Variants in ST3GAL1 observed in about 807,000 individuals in gnomAD.
ST3GAL1 encodes the protein CMP-N-acetylneuraminate-beta-galactosamide-alpha-2,3-sialyltransferase 1.
ST3GAL1 carries 16 observed loss-of-function variants against 34.1 expected under a neutral mutation model. The ratio of observed to expected loss-of-function variants is 0.47; its 90% CI spans 0.32 to 0.71. The LOEUF (loss-of-function observed/expected upper bound fraction) is 0.71. Ranked by LOEUF, ST3GAL1 falls within the 30% of genes least tolerant of loss-of-function variation. The pLI, the probability that ST3GAL1 is intolerant of heterozygous loss-of-function variation, is 0.04. For missense variants in ST3GAL1, 353 were observed against 447.4 expected, an observed-to-expected ratio of 0.79 and a Z score of 1.90; for synonymous variants, 191 against 184.7, an observed-to-expected ratio of 1.03 and a Z score of -0.28.
chr8:133,463,343 C>T, intron 8 of ST3GAL1, 71 bp downstream of exon 8: 3 of 1,572,868 alleles, frequency 1.9e-6, no homozygotes, highest in Non-Finnish European at 2.6e-6. Context: ...CAACTCAATG[C>T]CGTACCTTAG....
rs759614313 is a variant in ST3GAL1, at chr8:133,566,389, G to A, written c.-582+5304C>T. On this transcript the variant is annotated intron_variant, in intron 1 of 9. Transcript: ENST00000522652. ...CCTTCAGTCAACTCCTCTGTCTCCC[G>A]TAGGCTCTGTCTTGAGGAATGCGAT... 7.9e-5 allele frequency among the ~76,000 whole-genome samples: 12 copies of A among 152,084 alleles called. 1 individual carries two copies. The highest frequency in any genetic ancestry group is 2.1e-4 in the South Asian group (1 of 4,822).
At chr8:133,491,379 C>A (rs570269865) in intron 3 of ST3GAL1, among the ~76,000 whole-genome samples, 1 of 152,070 alleles carries the variant, frequency 6.6e-6, no homozygotes, top group Non-Finnish European at 1.5e-5. Context: ...AGGATTTCCC[C>A]CCATTTGGGT....
chr8:133,500,747 T>C (rs6471129), intron 2 of ST3GAL1, among the ~76,000 whole-genome samples: 113,531 of 152,146 alleles, frequency 0.75, 42,811 homozygotes, highest in African/African-American at 0.84. Flanking sequence ...TAAAGCATGC[T>C]TGGCCTCTCA....
rs1223367024 is a variant in ST3GAL1 at position 133,466,479 on chromosome 8, C to A, written c.307-389G>T. Reference sequence around the variant, plus strand: ...TCTCTCTGAAAGGCCCTCCATCCCCCTACGTGTCACCACTTGAAAGAGAGA... The same window carrying A: ...TCTCTCTGAAAGGCCCTCCATCCCCATACGTGTCACCACTTGAAAGAGAGA... On this transcript the variant is annotated intron_variant, in intron 5 of 9. Transcript: ENST00000522652. The surrounding 1 kb of genome is among the most constrained non-coding windows in gnomAD (Gnocchi z 4.4). 6.6e-6 allele frequency among the ~76,000 whole-genome samples: 1 copy of A among 152,168 alleles called. No individual in the cohort carries two copies. Among genetic ancestry groups the A allele is most frequent in the Non-Finnish European group, 1.5e-5 (1 of 68,022 alleles).
intron 4 of ST3GAL1, 97 bp downstream of exon 4, chr8:133,476,181 C>T (rs1816169826): frequency 1.3e-6 from 1 of 793,446 alleles, no homozygotes; most frequent in East Asian, 2.8e-5. Flanking sequence ...CTCGACTTCA[C>T]TCCTGCTGGG....
At chr8:133,498,904 C>T (rs1414532368) in intron 3 of ST3GAL1, among the ~76,000 whole-genome samples, 5 of 152,238 alleles carry the variant, frequency 3.3e-5, no homozygotes, top group African/African-American at 4.8e-5. Context: ...GGGTTTGTCC[C>T]GGCCACGGCA....
At chr8:133,531,275 A>G (rs780251789) in intron 2 of ST3GAL1, among the ~76,000 whole-genome samples, 6 of 152,222 alleles carry the variant, frequency 3.9e-5, no homozygotes, top group Non-Finnish European at 8.8e-5. Context: ...ATACTCACAC[A>G]TATAGTATAT....
chr8:133,496,709 C>G (rs975909099), intron 3 of ST3GAL1, among the ~76,000 whole-genome samples: 2 of 152,202 alleles, frequency 1.3e-5, no homozygotes, highest in East Asian at 3.9e-4. Flanking sequence ...GCGCCTGGAG[C>G]CTCGGAGCAA....
chr8:133,534,847 C>T (rs763292793), intron 2 of ST3GAL1, among the ~76,000 whole-genome samples: 4 of 152,192 alleles, frequency 2.6e-5, no homozygotes, highest in South Asian at 2.1e-4. Context: ...GCACCAGTCT[C>T]GGTGCTGGTG....
At chr8:133,506,506 T>A (rs1475277955) in intron 2 of ST3GAL1, among the ~76,000 whole-genome samples, 3 of 152,194 alleles carry the variant, frequency 2.0e-5, no homozygotes, top group African/African-American at 7.2e-5. Context: ...AAACTGCGGC[T>A]GGGCACGGTG....
chr8:133,462,615 G>A (rs553242079), intron 8 of ST3GAL1, among the ~76,000 whole-genome samples: 53 of 152,294 alleles, frequency 3.5e-4, no homozygotes, highest in Middle Eastern at 3.4e-3. Flanking sequence ...TCTCAGGCAG[G>A]AGAGGGCGTG....
In ST3GAL1 at chr8:133,570,414, T is replaced by G. The variant is rs1000760123; in HGVS notation, c.-582+1279A>C. 7.2e-5 allele frequency: 11 copies of G among 152,294 alleles called. No individual in the cohort carries two copies. In the Middle Eastern group the frequency reaches 0.01, roughly 140 times the overall value. 9.4% of individuals were successfully genotyped at this position (152,294 alleles called of 1,614,324 possible). A position where few individuals can be genotyped will look rare whatever the true frequency, so the allele number is the denominator to read the frequency against. On this transcript the variant is annotated intron_variant, in intron 1 of 9. Coordinates refer to ENST00000522652, the MANE Select transcript of ST3GAL1 (RefSeq NM_173344.3). This position sits in a 1 kb window ranked among gnomAD's most constrained non-coding sequence, Gnocchi z 5.6. ...GCCCAGCCCGCGAGACGCAGTGACC[T>G]GCCCAACCCCCACCCCCTTGCGCGC...
chr8:133,550,235 C>G (rs1321712818), intron 1 of ST3GAL1, among the ~76,000 whole-genome samples: 3 of 152,210 alleles, frequency 2.0e-5, no homozygotes, highest in Non-Finnish European at 4.4e-5. Flanking sequence ...GCTCTGCTGT[C>G]ATGCCTCTTT....
chr8:133,480,955 A>G (rs1177681195), intron 3 of ST3GAL1, among the ~76,000 whole-genome samples: 1 of 152,110 alleles, frequency 6.6e-6, no homozygotes, highest in Non-Finnish European at 1.5e-5. Flanking sequence ...TAATTTTTTG[A>G]CAGGTTCTAC....
At chr8:133,555,972 C>T (rs1819004454) in intron 1 of ST3GAL1, among the ~76,000 whole-genome samples, 1 of 152,216 alleles carries the variant, frequency 6.6e-6, no homozygotes, top group African/African-American at 2.4e-5. Flanking sequence ...CGGCTCACTG[C>T]AACCTCCGCC....
At chr8:133,474,446 A>G (rs1019597365) in intron 5 of ST3GAL1, among the ~76,000 whole-genome samples, 2 of 152,192 alleles carry the variant, frequency 1.3e-5, no homozygotes, top group African/African-American at 4.8e-5. Flanking sequence ...TCTTCGATCT[A>G]TTTTGCATTT....
At chr8:133,465,810 T>G in intron 6 of ST3GAL1, 84 bp downstream of exon 6, 1 of 1,491,090 alleles carries the variant, frequency 6.7e-7, no homozygotes, top group Non-Finnish European at 9.1e-7. Flanking sequence ...CTTGCCTTCC[T>G]GAGCCTGAGC....
chr8:133,474,532 T>C (rs1816083024), intron 5 of ST3GAL1, among the ~76,000 whole-genome samples: 1 of 152,214 alleles, frequency 6.6e-6, no homozygotes, highest in African/African-American at 2.4e-5. Context: ...TGATTTCCTG[T>C]TGCACTTACA....
At chr8:133,481,335 C>T (rs1246777796) in intron 3 of ST3GAL1, among the ~76,000 whole-genome samples, 1 of 152,174 alleles carries the variant, frequency 6.6e-6, no homozygotes, top group Non-Finnish European at 1.5e-5. Flanking sequence ...TGGGGCATAG[C>T]CGTTCTCAAC....
Sources: gnomAD v4.1 joint callset for allele counts (sites outside exome capture counted in the v4.1 genomes callset) on GRCh38, gnomAD v4.1.1 for gene constraint, Gnocchi (gnomAD v3.1) non-coding constraint, MANE v1.5 for transcripts, NCBI Gene and HGNC (gene_info 2026-07-23, HGNC 2026-07-21) for gene names.